TMC7: variants seen among roughly 807,000 people sequenced by gnomAD.
TMC7 encodes the protein transmembrane channel-like protein 7.
In TMC7, 54 loss-of-function variants were observed where a neutral mutation model predicts 82.9. The observed-to-expected ratio is 0.65, with a 90% CI of 0.52 to 0.82. TMC7 has a LOEUF of 0.82. Ranked by LOEUF, TMC7 falls within the 40% of genes least tolerant of loss-of-function variation. TMC7 has a pLI of 0.00. For synonymous variants in TMC7, 350 were observed against 337.9 expected (o/e 1.04, Z -0.39); for missense variants, 820 against 901.2 (o/e 0.91, Z 1.15).
At chr16:19,051,406 CCCCA>C in intron 12 of TMC7, among the ~76,000 whole-genome samples, 1 of 149,160 alleles carries the variant, frequency 6.7e-6, no homozygotes, top group African/African-American at 2.5e-5. Flanking sequence ...TCCCCCCTCC[CCCCA>C]CACCACAACA....
At chr16:19,045,116 G>A (rs1248391539) in intron 10 of TMC7, 115 bp downstream of exon 10, 2 of 948,732 alleles carry the variant, frequency 2.1e-6, no homozygotes, top group East Asian at 2.4e-5. Flanking sequence ...TCGCTTTCTT[G>A]TTCTAGTGAT....
Position 19,056,623 on chromosome 16 carries a change from C to T in TMC7, c.1953C>T (p.Phe651=). 6.2e-7 allele frequency: 1 copy of T among 1,614,024 alleles called. No individual in the cohort carries two copies. The highest frequency in any genetic ancestry group is 8.5e-7 in the Non-Finnish European group (1 of 1,179,944). ...WEVIPKTVST[F]PSSLQSFIHG... ...TCATCCCCAAGACGGTGAGCACCTT[C>T]CCCAGCTCGCTGCAGTCCTTCATCC... The change falls in exon 14 of 16, where the codon TTC becomes TTT. Residue 651 remains phenylalanine (F), a synonymous_variant. Coordinates refer to ENST00000304381, the MANE Select transcript of TMC7 (RefSeq NM_024847.4).
At position 19,029,107 on chromosome 16, in the gene TMC7, A is replaced by G. The variant is rs370632134; in HGVS notation, c.712-1117A>G. 4.6e-4 allele frequency among the ~76,000 whole-genome samples: 69 copies of G among 150,986 alleles called. No individual in the cohort carries two copies. In the South Asian group the frequency reaches 6.5e-3, roughly 14 times the overall value. Reference sequence around the variant, plus strand: ...TGCAAGATCCGCCTCCCGGGTTCACACCATTCTCCTGCTTCAGCCTCCCGA... The same window carrying G: ...TGCAAGATCCGCCTCCCGGGTTCACGCCATTCTCCTGCTTCAGCCTCCCGA... On this transcript the variant is annotated intron_variant, in intron 5 of 15. Coordinates refer to ENST00000304381, the MANE Select transcript of TMC7 (RefSeq NM_024847.4).
Position 19,040,315 on chromosome 16 carries a change from G to T in TMC7, c.1206G>T (p.Glu402Asp), listed in dbSNP as rs529696735. ...AAATCGACAAGATGGTTTTTGGAGA[G>T]AACCTCTTCATATTGTATCTACCGT... ...KKEIDKMVFG[E>D]NLFILYLPSI... Residue 402 changes from glutamate (E) to aspartate (D), a missense_variant, in exon 9 of 16, where the codon GAG becomes GAT. Glu to Asp is a conservative substitution (Grantham distance 45). Coordinates refer to ENST00000304381, the MANE Select transcript of TMC7 (RefSeq NM_024847.4). 1 of 1,613,570 alleles carries T rather than the reference G, an allele frequency of 6.2e-7. No homozygotes were observed. The highest frequency in any genetic ancestry group is 1.7e-5 in the Admixed American group (1 of 59,864).
chr16:19,035,801 G>A lies in TMC7; in HGVS notation c.983G>A (p.Ser328Asn), dbSNP rs759253872. Residue 328 changes from serine (S) to asparagine (N), a missense_variant, in exon 7 of 16, where the codon AGC becomes AAC. Ser to Asn is a conservative substitution (Grantham distance 46). Coordinates refer to ENST00000304381, the MANE Select transcript of TMC7 (RefSeq NM_024847.4). ...CGCAGCATGGCGGATCTGAAGCACA[G>A]CAGCTTGCGGTACGAGCTCCGAGTG... ...TNRSMADLKHSSLRYELRADL... is the reference protein window; with the variant it reads ...TNRSMADLKHNSLRYELRADL... The A allele has an allele frequency of 1.2e-6, 2 of 1,600,304 alleles. No homozygotes were observed. Among genetic ancestry groups the A allele is most frequent in the South Asian group, 1.1e-5 (1 of 88,632 alleles).
chr16:19,009,525 C>T (rs2039300015), intron 2 of TMC7, 110 bp downstream of exon 2: 2 of 1,393,234 alleles, frequency 1.4e-6, no homozygotes, highest in South Asian at 1.5e-5. Flanking sequence ...AATTTTATTC[C>T]TTAGGGTAAG....
chr16:19,002,309 T>C (rs1290847586), intron 1 of TMC7, among the ~76,000 whole-genome samples: 1 of 148,934 alleles, frequency 6.7e-6, no homozygotes, highest in African/African-American at 2.5e-5. Flanking sequence ...TGATCTCGGC[T>C]CACTGCAACC....
intron 12 of TMC7, among the ~76,000 whole-genome samples, chr16:19,050,389 A>C (rs1961480888): frequency 6.6e-6 from 1 of 151,380 alleles, no homozygotes; most frequent in African/African-American, 2.4e-5. Flanking sequence ...AAAAAAAAAA[A>C]AAACCAAAAA....
intron 3 of TMC7, among the ~76,000 whole-genome samples, chr16:19,019,417 C>G (rs1237241414): frequency 3.9e-5 from 6 of 152,276 alleles, no homozygotes; most frequent in Admixed American, 3.9e-4. Context: ...TACTTTTTCT[C>G]TTGAGATTTA....
In TMC7 at chr16:19,009,311, A is replaced by C. The variant is rs1285208678; in HGVS notation, c.207A>C (p.Pro69=). 6 of 1,614,082 alleles carry C rather than the reference A, an allele frequency of 3.7e-6. No individual in the cohort carries two copies. Among genetic ancestry groups the C allele is most frequent in the Non-Finnish European group, 5.1e-6 (6 of 1,180,042 alleles). The part of the protein sequence containing the change: ...RDKQSGTLLK[P]TDSYSSQLED... ...AGCAAAGCGGAACTTTGCTAAAGCC[A>C]ACCGACTCTTACAGCTCCCAGCTGG... The change falls in exon 2 of 16, where the codon CCA becomes CCC. Residue 69 remains proline, a synonymous_variant. Transcript: ENST00000304381.
At chr16:18,984,301 T>A in intron 1 of TMC7, 171 bp downstream of exon 1, 1 of 1,320,070 alleles carries the variant, frequency 7.6e-7, no homozygotes, top group Non-Finnish European at 9.6e-7. Flanking sequence ...TTATTCCTGC[T>A]CCCTCCACAA....
At chr16:19,047,366 A>C in intron 12 of TMC7, 117 bp downstream of exon 12, 1 of 827,088 alleles carries the variant, frequency 1.2e-6, no homozygotes, top group Non-Finnish European at 1.8e-6. Context: ...TACATCCTTT[A>C]TTTAAAATAT....
chr16:19,051,940 G>C (rs1380684424), intron 13 of TMC7, 124 bp downstream of exon 13: 1 of 1,330,460 alleles, frequency 7.5e-7, no homozygotes, highest in African/African-American at 1.5e-5. Context: ...TGTCACCCAG[G>C]CTGGAGTGTG....
intron 2 of TMC7, among the ~76,000 whole-genome samples, chr16:19,012,788 CAAAAAAAAAAAAAAAAAA>C (rs139163132): frequency 1.5e-5 from 1 of 66,610 alleles, no homozygotes; most frequent in Non-Finnish European, 2.4e-5. Context: ...GATTCCATCT[CAAAAAAAAAAAAAAAAAA>C]AAAAAAAAAA....
intron 9 of TMC7, among the ~76,000 whole-genome samples, chr16:19,043,011 G>A (rs1195727549): frequency 6.6e-6 from 1 of 152,052 alleles, no homozygotes; most frequent in African/African-American, 2.4e-5. Flanking sequence ...CTCCCAAAGT[G>A]CTGGGATTAC....
chr16:19,054,284 C>T (rs779457498), intron 13 of TMC7, among the ~76,000 whole-genome samples: 12 of 152,064 alleles, frequency 7.9e-5, no homozygotes, highest in Admixed American at 2.6e-4. Context: ...AGCAGTAAAA[C>T]GCATATGCCC....
chr16:19,020,593 C>A (rs906103750), intron 3 of TMC7, among the ~76,000 whole-genome samples: 2 of 152,158 alleles, frequency 1.3e-5, no homozygotes, highest in Non-Finnish European at 2.9e-5. Flanking sequence ...CAGGGCTGGG[C>A]GTGGTGGCTC....
intron 1 of TMC7, among the ~76,000 whole-genome samples, chr16:19,005,135 C>G (rs1463969817): frequency 6.6e-6 from 1 of 151,756 alleles, no homozygotes; most frequent in Non-Finnish European, 1.5e-5. Context: ...GTCGCCCAGG[C>G]TGGAGTGCAA....
At chr16:19,045,145 A>G (rs562838728) in intron 10 of TMC7, 144 bp downstream of exon 10, 62 of 863,312 alleles carry the variant, frequency 7.2e-5, no homozygotes, top group Non-Finnish European at 1.1e-4. Context: ...GTCTGGCCCC[A>G]TGGAGTCTAA....
Sources: allele counts gnomAD v4.1 joint callset (sites outside exome capture counted in the v4.1 genomes callset), GRCh38; gene constraint gnomAD v4.1.1; transcripts MANE v1.5; gene names NCBI Gene and HGNC (gene_info 2026-07-23, HGNC 2026-07-21).